CACNA1C: variants seen among roughly 807,000 people sequenced by gnomAD.
The protein encoded by CACNA1C is calcium voltage-gated channel subunit alpha1 C.
A neutral mutation model predicts 229.0 loss-of-function variants in CACNA1C; 30 were observed. That is an observed-to-expected ratio of 0.13 (90% CI 0.10 to 0.18). CACNA1C has a LOEUF of 0.18. Among genes scored for constraint, CACNA1C ranks in the 10% least tolerant of loss-of-function variants. The pLI is 1.00. For synonymous variants in CACNA1C, 1,114 were observed against 1,132.5 expected (o/e 0.98, Z 0.33); for missense variants, 1,658 against 2,845.0 (o/e 0.58, Z 9.49).
At chr12:2,663,039 A>G (rs1290472769) in intron 34 of CACNA1C, among the ~76,000 whole-genome samples, 2 of 152,362 alleles carry the variant, frequency 1.3e-5, no homozygotes, top group Non-Finnish European at 1.5e-5. Context: ...TTAGAAGAAC[A>G]CAGAAAAGAA....
chr12:2,584,276 C>T (rs1053222469), intron 15 of CACNA1C, among the ~76,000 whole-genome samples: 3 of 152,226 alleles, frequency 2.0e-5, no homozygotes, highest in Admixed American at 2.0e-4. Context: ...CTCCAGTGTG[C>T]AGGCTAGCCT....
intron 1 of CACNA1C, among the ~76,000 whole-genome samples, chr12:1,983,473 C>T (rs1167886463): frequency 6.6e-6 from 1 of 151,892 alleles, no homozygotes. Flanking sequence ...TTTCTTTCTT[C>T]TTTGACATGA....
chr12:2,685,281 A>G lies in CACNA1C; in HGVS notation c.5574-455A>G, dbSNP rs550378892. ...GTAGAGTGGTTGTAGGCAGCTGCTT[A>G]TGTGCTCTTGCTGATGAGGGGGTGG... On this transcript the variant is annotated intron_variant, in intron 43 of 46. Coordinates refer to ENST00000399655, the MANE Select transcript of CACNA1C (RefSeq NM_000719.7). Among the ~76,000 whole-genome samples the G allele has an allele frequency of 4.1e-3, 620 of 150,438 alleles. 3 individuals are homozygous for G. Among genetic ancestry groups the G allele is most frequent in the Middle Eastern group, 0.01 (3 of 294 alleles).
intron 3 of CACNA1C, among the ~76,000 whole-genome samples, chr12:2,322,037 A>G (rs776580426): frequency 3.3e-5 from 5 of 152,260 alleles, no homozygotes; most frequent in Non-Finnish European, 5.9e-5. Flanking sequence ...ATTGTGTTCA[A>G]TAGCCAAAAC....
At chr12:2,366,747 T>C (rs1011228050) in intron 3 of CACNA1C, among the ~76,000 whole-genome samples, 4 of 152,148 alleles carry the variant, frequency 2.6e-5, no homozygotes, top group Admixed American at 2.6e-4. Context: ...CTTAGTAATT[T>C]ATGAAGAAAA....
chr12:1,984,317 T>TTCTTG (rs775537141), intron 1 of CACNA1C, among the ~76,000 whole-genome samples: 1 of 152,108 alleles, frequency 6.6e-6, no homozygotes, highest in Non-Finnish European at 1.5e-5. Flanking sequence ...GTTACCCTCT[T>TTCTTG]TCTTGTCTTC....
intron 3 of CACNA1C, among the ~76,000 whole-genome samples, chr12:2,304,239 T>C (rs2094824953): frequency 6.6e-6 from 1 of 151,978 alleles, no homozygotes; most frequent in African/African-American, 2.4e-5. Flanking sequence ...CGGGCGTGTG[T>C]GTGAGGCGAG....
At chr12:2,207,587 C>T (rs1357981139) in intron 3 of CACNA1C, among the ~76,000 whole-genome samples, 1 of 151,962 alleles carries the variant, frequency 6.6e-6, no homozygotes, top group East Asian at 1.9e-4. Context: ...AGGTGGGAGG[C>T]TCACTTGAGC....
chr12:2,169,615 A>G (rs912429407), intron 3 of CACNA1C, among the ~76,000 whole-genome samples: 2 of 152,194 alleles, frequency 1.3e-5, no homozygotes, highest in African/African-American at 4.8e-5. Context: ...GAAATACCAG[A>G]AAGTGGAACA....
At chr12:2,265,098 C>T (rs896371823) in intron 3 of CACNA1C, among the ~76,000 whole-genome samples, 5 of 152,184 alleles carry the variant, frequency 3.3e-5, no homozygotes, top group African/African-American at 1.2e-4. Flanking sequence ...AGCAACAATA[C>T]CAGGGATTCC....
chr12:2,256,461 G>A (rs543198414), intron 3 of CACNA1C, among the ~76,000 whole-genome samples: 22 of 152,178 alleles, frequency 1.4e-4, no homozygotes, highest in Non-Finnish European at 2.9e-4. Flanking sequence ...ATGAATTAAT[G>A]TGTTGATTGA....
chr12:2,609,146 C>G (rs1309609279), intron 27 of CACNA1C, among the ~76,000 whole-genome samples: 2 of 152,100 alleles, frequency 1.3e-5, no homozygotes, highest in East Asian at 1.9e-4. Context: ...AAGTAAAACC[C>G]AGAGGCTTGT....
In CACNA1C at chr12:2,285,339, C is replaced by T. The variant is rs1174101839; in HGVS notation, c.478-163637C>T. 3.3e-5 allele frequency among the ~76,000 whole-genome samples: 5 copies of T among 152,120 alleles called. No individual in the cohort carries two copies. The highest frequency in any genetic ancestry group is 1.2e-4 in the African/African-American group (5 of 41,412). On this transcript the variant is annotated intron_variant, in intron 3 of 46. Coordinates refer to ENST00000399655, the MANE Select transcript of CACNA1C (RefSeq NM_000719.7). This position sits in a 1 kb window ranked among gnomAD's most constrained non-coding sequence, Gnocchi z 4.2. ...CCACAAAAACTGGCATATGCTACAC[C>T]CAGAGCTTTCCTTCCCCCTCTCCTA... is the stretch of plus-strand genomic sequence containing the variant.
chr12:2,346,272 C>T lies in CACNA1C; in HGVS notation c.478-102704C>T, dbSNP rs531287188. Among the ~76,000 whole-genome samples the T allele has an allele frequency of 1.3e-4, 20 of 151,858 alleles. No homozygotes were observed. Among genetic ancestry groups the T allele is most frequent in the African/African-American group, 4.8e-4 (20 of 41,394 alleles). ...CTGTCTGTGCATCTCTCGTATGTGC[C>T]TGTGTCTCTATGTAATGTGTTTGTG... is the stretch of plus-strand genomic sequence containing the variant. On this transcript the variant is annotated intron_variant, in intron 3 of 46. Transcript: ENST00000399655. This position sits in a 1 kb window ranked among gnomAD's most constrained non-coding sequence, Gnocchi z 4.4.
At chr12:2,213,604 T>G (rs2059220637) in intron 3 of CACNA1C, among the ~76,000 whole-genome samples, 1 of 152,234 alleles carries the variant, frequency 6.6e-6, no homozygotes, top group Non-Finnish European at 1.5e-5. Context: ...TGTTAATGAG[T>G]GAAACTCTCA....
rs150878718 is a variant in CACNA1C at position 2,157,395 on chromosome 12, T to G, written c.477+36965T>G. On this transcript the variant is annotated intron_variant, in intron 3 of 46. Transcript: ENST00000399655. ...AAAGCGGAATGTTCTCTAATGGGGA[T>G]AAAGCAAGAGGTCTGCATGGGGGCA... Among the ~76,000 whole-genome samples the G allele has an allele frequency of 6.2e-3, 941 of 152,304 alleles. 8 individuals are homozygous for G. The highest frequency in any genetic ancestry group is 0.021 in the African/African-American group (888 of 41,558).
At chr12:2,020,452 A>G (rs1234686287) in intron 1 of CACNA1C, 1 of 152,250 alleles carries the variant, frequency 6.6e-6, no homozygotes, top group Non-Finnish European at 1.5e-5. Flanking sequence ...TCATGTAATC[A>G]GCACAAATTT....
chr12:2,691,025 C>T lies in CACNA1C; in HGVS notation c.6243C>T (p.Ile2081=), dbSNP rs763666740. The change falls in exon 47 of 47, where the codon ATC becomes ATT. Residue 2081 remains isoleucine (I), a synonymous_variant. Transcript: ENST00000399655. The stretch of plus-strand genomic sequence containing the variant: ...AGATGGAGAGCGCGGCCGACAACAT[C>T]CTCAGCGGGGGCGCCCCACAGAGCC... ...IEEMESAADN[I]LSGGAPQSPN... is the part of the protein sequence containing the mutation. 2.7e-5 allele frequency: 44 copies of T among 1,602,182 alleles called. No homozygotes were observed. Among genetic ancestry groups the T allele is most frequent in the Non-Finnish European group, 3.6e-5 (42 of 1,174,650 alleles).
At chr12:2,014,060 C>T (rs1007562615) in intron 1 of CACNA1C, among the ~76,000 whole-genome samples, 1 of 152,202 alleles carries the variant, frequency 6.6e-6, no homozygotes, top group Non-Finnish European at 1.5e-5. Context: ...AGTGCTTTGA[C>T]CTTCCCCTGC....
Sources: allele counts gnomAD v4.1 joint callset (sites outside exome capture counted in the v4.1 genomes callset), GRCh38; gene constraint gnomAD v4.1.1; non-coding constraint Gnocchi (gnomAD v3.1); transcripts MANE v1.5; gene names NCBI Gene and HGNC (gene_info 2026-07-23, HGNC 2026-07-21).